The following IL27RA variants were observed in gnomAD, a reference collection of about 807,000 sequenced individuals.
IL27RA encodes interleukin 27 receptor subunit alpha, also known as interleukin-27 receptor subunit alpha.
A neutral mutation model predicts 80.8 loss-of-function variants in IL27RA; 61 were observed. That is an observed-to-expected ratio of 0.76 (90% CI 0.61 to 0.93). The LOEUF (loss-of-function observed/expected upper bound fraction) is 0.93. Among genes scored for constraint, IL27RA ranks in the 40% least tolerant of loss-of-function variants. The pLI is 0.00. For missense variants in IL27RA, 735 were observed against 808.1 expected (o/e 0.91, Z 1.10); for synonymous variants, 316 against 332.5 (o/e 0.95, Z 0.54).
intron 6 of IL27RA, among the ~76,000 whole-genome samples, chr19:14,043,529 A>G (rs1976021169): frequency 2.6e-5 from 4 of 151,156 alleles, no homozygotes; most frequent in Admixed American, 6.6e-5. Flanking sequence ...GGTTCAAGCC[A>G]TTCTCTGCCT....
intron 2 of IL27RA, among the ~76,000 whole-genome samples, chr19:14,035,876 G>A (rs1277163737): frequency 6.6e-6 from 1 of 151,988 alleles, no homozygotes; most frequent in African/African-American, 2.4e-5. Context: ...AAACTCCTGG[G>A]CTCCAGCCAT....
chr19:14,039,375 A>G, intron 2 of IL27RA, 133 bp from the exon 3 acceptor site: 1 of 927,878 alleles, frequency 1.1e-6, no homozygotes, highest in Non-Finnish European at 1.6e-6. Flanking sequence ...AAGGTCACAC[A>G]GCTCTGAAGC....
At chr19:14,047,897 C>T (rs534637390) in intron 8 of IL27RA, among the ~76,000 whole-genome samples, 22 of 150,636 alleles carry the variant, frequency 1.5e-4, no homozygotes, top group African/African-American at 2.9e-4. Flanking sequence ...CTCTTGACCT[C>T]GTGATCTGCC....
At position 14,031,889 on chromosome 19, in the gene IL27RA, G is replaced by C. The variant is rs1466759141; in HGVS notation, c.17G>C (p.Gly6Ala). 8 of 1,602,882 alleles carry C rather than the reference G, an allele frequency of 5.0e-6. No individual in the cohort carries two copies. Among genetic ancestry groups the C allele is most frequent in the Middle Eastern group, 1.7e-4 (1 of 5,868 alleles). Residue 6 changes from glycine to alanine, a missense_variant, in exon 1 of 14, where the codon GGC (glycine) becomes GCC (alanine). Transcript: ENST00000263379. The part of the protein sequence containing the change: MRGGR[G>A]APFWLWPLPK... ...AGGGACGCCATGCGGGGAGGCAGGGGCGCCCCTTTCTGGCTGTGGCCGCTG... is the reference window on the plus strand; with the variant it reads ...AGGGACGCCATGCGGGGAGGCAGGGCCGCCCCTTTCTGGCTGTGGCCGCTG...
intron 2 of IL27RA, among the ~76,000 whole-genome samples, chr19:14,037,841 T>C (rs1209780078): frequency 6.7e-6 from 1 of 149,608 alleles, no homozygotes; most frequent in Non-Finnish European, 1.5e-5. Context: ...TCTCTTTTTT[T>C]TTTTTTTTGA....
Position 14,040,029 on chromosome 19 carries a change from C to T in IL27RA, c.534+119C>T, listed in dbSNP as rs1421774799. 4.9e-6 allele frequency: 5 copies of T among 1,019,456 alleles called. No individual in the cohort carries two copies. In the East Asian group the frequency reaches 9.7e-5, roughly 20 times the overall value. 63.2% of individuals were successfully genotyped at this position (1,019,456 alleles called of 1,614,324 possible). ...GCCTGCCCCTGAGCCTGTATGCCTC[C>T]CACTCAAAATGCCTGCATGTGCCTC... On this transcript the variant is annotated intron_variant, in intron 4 of 13. Transcript: ENST00000263379.
intron 2 of IL27RA, among the ~76,000 whole-genome samples, chr19:14,033,023 C>T (rs897772611): frequency 1.3e-5 from 2 of 150,450 alleles, no homozygotes; most frequent in African/African-American, 4.9e-5. Flanking sequence ...GTCATCCCAG[C>T]ATTTTGGGAG....
intron 2 of IL27RA, among the ~76,000 whole-genome samples, chr19:14,037,347 A>G (rs1281478691): frequency 6.6e-6 from 1 of 151,086 alleles, no homozygotes; most frequent in Non-Finnish European, 1.5e-5. Flanking sequence ...TGCAACCTCC[A>G]TCTTTCGGGT....
At chr19:14,037,670 C>T (rs1205838265) in intron 2 of IL27RA, among the ~76,000 whole-genome samples, 1 of 152,098 alleles carries the variant, frequency 6.6e-6, no homozygotes, top group Non-Finnish European at 1.5e-5. Context: ...CTGTCCTCAT[C>T]TCCTTCAGGC....
rs376129161 is a variant in IL27RA, at chr19:14,042,763, G to A, written c.742G>A (p.Gly248Arg). 6.2e-7 allele frequency: 1 copy of A among 1,614,160 alleles called. No homozygotes were observed. The change falls in exon 6 of 14, where the codon GGA becomes AGA. Residue 248 changes from glycine (G) to arginine (R), a missense_variant. Transcript: ENST00000263379. ...AGGGAACCTCTGTGGGACGCCTGGAGGAGAGGAACCTTTGCTTCTATGGAA... is the reference window on the plus strand; with the variant it reads ...AGGGAACCTCTGTGGGACGCCTGGAAGAGAGGAACCTTTGCTTCTATGGAA... ...VSGNLCGTPG[G>R]EEPLLLWKAP...
intron 11 of IL27RA, 83 bp from the exon 12 acceptor site, chr19:14,051,524 A>T (rs1264264124): frequency 2.8e-6 from 2 of 717,878 alleles, no homozygotes; most frequent in Admixed American, 7.4e-5. Context: ...CCTGGGTGAC[A>T]GGGCAAGACT....
chr19:14,041,597 T>A (rs1313841578), intron 4 of IL27RA, among the ~76,000 whole-genome samples: 1 of 152,134 alleles, frequency 6.6e-6, no homozygotes, highest in East Asian at 1.9e-4. Flanking sequence ...TGGGCCTCAG[T>A]TCCCTCGTCT....
At chr19:14,032,730 C>T (rs1975838417) in intron 2 of IL27RA, among the ~76,000 whole-genome samples, 1 of 147,442 alleles carries the variant, frequency 6.8e-6, no homozygotes, top group African/African-American at 2.5e-5. Context: ...CGCTTGAACC[C>T]GGGAGGCGGA....
chr19:14,046,934 T>C (rs1599302509), intron 8 of IL27RA, among the ~76,000 whole-genome samples: 1 of 149,240 alleles, frequency 6.7e-6, no homozygotes, highest in Admixed American at 6.7e-5. Flanking sequence ...GAGGTGGAGG[T>C]TGCAGTGAGC....
rs1462530757 is a variant in IL27RA, at chr19:14,051,197, C to T, written c.1528+314C>T. Among the ~76,000 whole-genome samples, 7 of 152,212 alleles carry T rather than the reference C, an allele frequency of 4.6e-5. No individual in the cohort carries two copies. In the South Asian group the frequency reaches 6.2e-4, roughly 14 times the overall value. The stretch of plus-strand genomic sequence containing the variant: ...CCCAGGAGTTGGAGGCTGCAGTACA[C>T]GGATTACACCACTGCGCTCCAGCCT... On this transcript the variant is annotated intron_variant, in intron 11 of 13. Coordinates refer to ENST00000263379, the MANE Select transcript of IL27RA (RefSeq NM_004843.4).
chr19:14,044,849 G>A (rs1418804129), intron 6 of IL27RA, among the ~76,000 whole-genome samples: 1 of 151,718 alleles, frequency 6.6e-6, no homozygotes, highest in Non-Finnish European at 1.5e-5. Context: ...ACCAGGGGCC[G>A]GGCACAGTGG....
intron 2 of IL27RA, among the ~76,000 whole-genome samples, chr19:14,033,407 G>A (rs182957747): frequency 7.4e-4 from 112 of 151,270 alleles, no homozygotes; most frequent in South Asian, 1.0e-3. Context: ...CCGAGAGCCC[G>A]TCTCTTAAAA....
intron 10 of IL27RA, 86 bp from the exon 11 acceptor site, chr19:14,050,657 GGATACCTGGGAGAGA>G: frequency 7.8e-7 from 1 of 1,276,412 alleles, no homozygotes; most frequent in South Asian, 1.5e-5. Context: ...GGAGCCATGT[GGATACCTGGGAGAGA>G]GTGTTGCAGA....
rs745308729 is a variant in IL27RA, at chr19:14,046,609, C to G, written c.1132C>G (p.Leu378Val). Residue 378 changes from leucine (L) to valine (V), a missense_variant, in exon 8 of 14, where the codon CTG becomes GTG. Transcript: ENST00000263379. ...VRLPPGNLSA[L>V]LPGNFTVGVP... The stretch of plus-strand genomic sequence containing the variant: ...GCTTCCCCCTGGGAACCTCAGTGCT[C>G]TGTTACCAGGTGAGGCCCTGGGACA... The G allele has an allele frequency of 5.0e-6, 8 of 1,604,468 alleles. No homozygotes were observed. The highest frequency in any genetic ancestry group is 6.8e-6 in the Non-Finnish European group (8 of 1,175,030).
Sources: gnomAD v4.1 joint callset for allele counts (sites outside exome capture counted in the v4.1 genomes callset) on GRCh38, gnomAD v4.1.1 for gene constraint, MANE v1.5 for transcripts, NCBI Gene and HGNC (gene_info 2026-07-23, HGNC 2026-07-21) for gene names.